The following MYO1H variants were observed in gnomAD, a reference collection of about 807,000 sequenced individuals.
MYO1H encodes myosin IH.
In MYO1H, 118 loss-of-function variants were observed where a neutral mutation model predicts 149.3. The observed-to-expected ratio is 0.79, with a 90% confidence interval of 0.68 to 0.92. MYO1H has a LOEUF of 0.92. Among genes scored for constraint, MYO1H ranks in the 40% least tolerant of loss-of-function variants. The probability of loss-of-function intolerance (pLI) is 0.00; values close to 1 mark genes in which losing one functional copy is unlikely to be tolerated. For missense variants in MYO1H, 1,212 were observed against 1,280.7 expected (o/e 0.95, Z 0.82); for synonymous variants, 447 against 465.2 (o/e 0.96, Z 0.50).
intron 21 of MYO1H, 141 bp downstream of exon 21, chr12:109,435,254 AT>A (rs1425565729): frequency 1.5e-5 from 9 of 597,854 alleles, no homozygotes; most frequent in Admixed American, 6.6e-5. Flanking sequence ...TGGGATTATG[AT>A]AAGATCCCTG....
At chr12:109,426,640 C>T (rs186086086) in intron 18 of MYO1H, among the ~76,000 whole-genome samples, 78 of 152,200 alleles carry the variant, frequency 5.1e-4, no homozygotes, top group Admixed American at 4.4e-3. Flanking sequence ...GTGTCAGAGG[C>T]GAAGGGAGTC....
chr12:109,323,918 G>A, the MYO1H span, among the ~76,000 whole-genome samples: 1 of 151,842 alleles, frequency 6.6e-6, no homozygotes. Context: ...GGTGGCTAAT[G>A]CTTGTAATCC....
chr12:109,412,977 G>GTTA (rs779036695), intron 14 of MYO1H, among the ~76,000 whole-genome samples: 20 of 150,564 alleles, frequency 1.3e-4, no homozygotes, highest in Non-Finnish European at 2.1e-4. Context: ...TGTTGTTGTT[G>GTTA]TTGTTATTAT....
intron 1 of MYO1H, chr12:109,359,364 G>A (rs764456214): frequency 4.6e-5 from 7 of 152,214 alleles, no homozygotes; most frequent in Non-Finnish European, 8.8e-5. Context: ...GCAGTTTCAT[G>A]TGCGGAGCTG....
intron 30 of MYO1H, 198 bp from the exon 31 acceptor site, chr12:109,445,315 T>G (rs1872433158): frequency 1.9e-6 from 1 of 519,252 alleles, no homozygotes; most frequent in Admixed American, 3.6e-5. Flanking sequence ...GATCTCATGG[T>G]AACTACAGAA....
intron 14 of MYO1H, 114 bp downstream of exon 14, chr12:109,412,099 CT>C: frequency 1.5e-6 from 1 of 655,396 alleles, no homozygotes; most frequent in Non-Finnish European, 2.6e-6. Flanking sequence ...ATAAAAATAT[CT>C]TTATGTATAC....
At chr12:109,429,372 G>C (rs1366544383) in intron 19 of MYO1H, among the ~76,000 whole-genome samples, 1 of 152,006 alleles carries the variant, frequency 6.6e-6, no homozygotes, top group African/African-American at 2.4e-5. Flanking sequence ...ACACCCGCGG[G>C]TTCCACATCT....
At chr12:109,406,007 A>T (rs148643201) in exon 8 of MYO1H, 1 of 1,613,574 alleles carries the variant, frequency 6.2e-7, no homozygotes, top group African/African-American at 1.3e-5. Context: ...ACTATCCCAG[A>T]CACCCATGAG....
chr12:109,410,817 C>T (rs1049668941), intron 13 of MYO1H, 49 bp downstream of exon 13: 4 of 1,258,778 alleles, frequency 3.2e-6, no homozygotes, highest in African/African-American at 1.5e-5. Flanking sequence ...GCACTTACAA[C>T]TCTTGGAAGA....
chr12:109,343,272 C>T (rs1243408220), upstream of MYO1H, among the ~76,000 whole-genome samples: 1 of 152,066 alleles, frequency 6.6e-6, no homozygotes, highest in African/African-American at 2.4e-5. Flanking sequence ...TTGTATGTGC[C>T]AGGGGATGTT....
At chr12:109,382,897 TAA>T (rs145577234) in intron 1 of MYO1H, among the ~76,000 whole-genome samples, 1 of 147,560 alleles carries the variant, frequency 6.8e-6, no homozygotes, top group Non-Finnish European at 1.5e-5. Flanking sequence ...ATGATATATA[TAA>T]ATAAATATAT....
At chr12:109,325,152 G>A in the MYO1H span, among the ~76,000 whole-genome samples, 1 of 152,210 alleles carries the variant, frequency 6.6e-6, no homozygotes, top group African/African-American at 2.4e-5. Context: ...CCAAGTCATT[G>A]CTATTGTAAA....
chr12:109,433,250 G>T (rs1184689750), intron 20 of MYO1H, among the ~76,000 whole-genome samples: 2 of 152,218 alleles, frequency 1.3e-5, no homozygotes, highest in African/African-American at 4.8e-5. Flanking sequence ...TGATTTAGCA[G>T]ATGGGCCTCC....
In MYO1H at chr12:109,393,466, T is replaced by C; in HGVS notation, c.290+20T>C. The C allele has an allele frequency of 6.7e-7, 1 of 1,497,784 alleles. No homozygotes were observed. Among genetic ancestry groups the C allele is most frequent in the Non-Finnish European group, 9.1e-7 (1 of 1,093,704 alleles). The allele number at this position is 1,497,784 out of a possible 1,614,324, so 92.8% of individuals were successfully genotyped here. ...ACATGTGTAAGTAGCATCCACAGGA[T>C]CATCACTAGGAGGATTTTTCTTTTT... On this transcript the variant is annotated intron_variant, in intron 3 of 31. Transcript: ENST00000310903.
chr12:109,365,783 T>C (rs1444125447), intron 1 of MYO1H, among the ~76,000 whole-genome samples: 1 of 152,148 alleles, frequency 6.6e-6, no homozygotes. Flanking sequence ...GCCTAGATGC[T>C]TCTGTGAGCT....
chr12:109,417,349 G>A (rs1340767243), intron 15 of MYO1H, among the ~76,000 whole-genome samples: 1 of 152,036 alleles, frequency 6.6e-6, no homozygotes, highest in East Asian at 1.9e-4. Flanking sequence ...TGTTCTATAT[G>A]TGATGTTCTG....
At chr12:109,379,892 C>G (rs1269534996) in intron 1 of MYO1H, among the ~76,000 whole-genome samples, 4 of 151,872 alleles carry the variant, frequency 2.6e-5, no homozygotes, top group Non-Finnish European at 1.5e-5. Context: ...ACCACCACAC[C>G]TAGCTAATTT....
intron 1 of MYO1H, among the ~76,000 whole-genome samples, chr12:109,358,139 C>T (rs1190636190): frequency 6.6e-6 from 1 of 151,112 alleles, no homozygotes; most frequent in South Asian, 2.1e-4. Context: ...AGGTTTGGCT[C>T]GATGACCAGA....
intron 30 of MYO1H, 120 bp from the exon 31 acceptor site, chr12:109,445,393 A>C (rs1427061021): frequency 2.6e-6 from 2 of 776,778 alleles, no homozygotes; most frequent in Non-Finnish European, 2.0e-6. Context: ...AAACACTGTA[A>C]TAAAACAGGA....
Sources: allele counts gnomAD v4.1 joint callset (sites outside exome capture counted in the v4.1 genomes callset), GRCh38; gene constraint gnomAD v4.1.1; transcripts MANE v1.5; gene names NCBI Gene and HGNC (gene_info 2026-07-23, HGNC 2026-07-21).